WWOX: variants seen among roughly 807,000 people sequenced by gnomAD.
WWOX encodes WW domain containing oxidoreductase.
Under a neutral mutation model 46.2 loss-of-function variants are expected in WWOX, and 69 were observed. The ratio of observed to expected loss-of-function variants is 1.49; its 90% CI spans 1.23 to 1.82. The LOEUF (loss-of-function observed/expected upper bound fraction) is 1.82. Among genes scored for constraint, WWOX ranks in the 40% most tolerant of loss-of-function variants. The probability of loss-of-function intolerance (pLI) is 0.00; values close to 1 mark genes in which losing one functional copy is unlikely to be tolerated. For synonymous variants in WWOX, 359 were observed against 202.6 expected, an observed-to-expected ratio of 1.77 and a Z score of -6.56; for missense variants, 919 against 542.6, an observed-to-expected ratio of 1.69 and a Z score of -6.89.
chr16:79,135,605 G>A (rs1320920953), intron 8 of WWOX, among the ~76,000 whole-genome samples: 1 of 152,026 alleles, frequency 6.6e-6, no homozygotes. Context: ...AAATTCAATT[G>A]TGGACCAATG....
chr16:79,025,144 G>A (rs960534560), intron 8 of WWOX, among the ~76,000 whole-genome samples: 7 of 152,132 alleles, frequency 4.6e-5, no homozygotes, highest in African/African-American at 1.7e-4. Flanking sequence ...GTTTTGTTTT[G>A]CTTGTTGAGC....
rs575077024 is a variant in WWOX at position 78,718,814 on chromosome 16, CT to C, written c.1056+286063del. Among the ~76,000 whole-genome samples the C allele has an allele frequency of 2.4e-4, 36 of 152,146 alleles. 1 individual carries two copies. The highest frequency in any genetic ancestry group is 2.2e-3 in the Admixed American group (34 of 15,264). On this transcript the variant is annotated intron_variant, in intron 8 of 8. Coordinates refer to ENST00000566780, the MANE Select transcript of WWOX (RefSeq NM_016373.4). ...ACACTAATATATGCCAGGAATTATTCTATTGGTTCCTTTGGAGGAGACATGA... is the reference window on the plus strand; with the variant it reads ...ACACTAATATATGCCAGGAATTATTCATTGGTTCCTTTGGAGGAGACATGA...
At chr16:78,534,618 C>A (rs2151517414) in intron 8 of WWOX, 1 of 152,344 alleles carries the variant, frequency 6.6e-6, no homozygotes. Context: ...TATGGAGGTT[C>A]ATTGTCCCCC....
intron 8 of WWOX, among the ~76,000 whole-genome samples, chr16:78,917,244 C>T (rs1223417620): frequency 6.6e-6 from 1 of 152,210 alleles, no homozygotes. Flanking sequence ...CCTCCCAAAG[C>T]TCACGAACTG....
Position 78,864,142 on chromosome 16 carries a change from C to A in WWOX, c.1057-347466C>A, listed in dbSNP as rs548904463. On this transcript the variant is annotated intron_variant, in intron 8 of 8. Coordinates refer to ENST00000566780, the MANE Select transcript of WWOX (RefSeq NM_016373.4). Reference sequence around the variant, plus strand: ...TCAAGCCAAACTACCTACCTAACCACCTACCTGGGAGTGGAATTACGGGGT... The same window carrying A: ...TCAAGCCAAACTACCTACCTAACCAACTACCTGGGAGTGGAATTACGGGGT... Among the ~76,000 whole-genome samples, 20 of 152,262 alleles carry A rather than the reference C, an allele frequency of 1.3e-4. No individual in the cohort carries two copies. In the South Asian group the frequency reaches 4.1e-3, roughly 32 times the overall value.
chr16:78,205,208 G>T, intron 5 of WWOX, among the ~76,000 whole-genome samples: 1 of 152,184 alleles, frequency 6.6e-6, no homozygotes, highest in East Asian at 1.9e-4. Flanking sequence ...GGGATGGAAT[G>T]TGGGGGTCAT....
chr16:78,521,167 T>C (rs567910329), intron 8 of WWOX, among the ~76,000 whole-genome samples: 2 of 152,330 alleles, frequency 1.3e-5, no homozygotes, highest in East Asian at 1.9e-4. Flanking sequence ...CAGTGGCTTT[T>C]GGAGCAGCCT....
At chr16:78,668,880 C>T (rs1473438247) in intron 8 of WWOX, among the ~76,000 whole-genome samples, 2 of 152,142 alleles carry the variant, frequency 1.3e-5, no homozygotes, top group Admixed American at 6.5e-5. Flanking sequence ...AACTCCCTGG[C>T]AGGTTCTCTT....
chr16:78,289,691 C>G (rs1032223381), intron 5 of WWOX, among the ~76,000 whole-genome samples: 1 of 152,164 alleles, frequency 6.6e-6, no homozygotes, highest in Non-Finnish European at 1.5e-5. Flanking sequence ...AAAATCAAAC[C>G]TATTTTGTTT....
chr16:78,128,612 A>G (rs1451335460), intron 4 of WWOX, among the ~76,000 whole-genome samples: 1 of 152,212 alleles, frequency 6.6e-6, no homozygotes, highest in African/African-American at 2.4e-5. Context: ...CTTATATAAC[A>G]TCAACAGAAT....
At chr16:78,605,585 C>T (rs1326530872) in intron 8 of WWOX, among the ~76,000 whole-genome samples, 6 of 152,142 alleles carry the variant, frequency 3.9e-5, no homozygotes, top group Non-Finnish European at 1.5e-5. Flanking sequence ...CCAATGCCTG[C>T]CCTTTCTAGA....
At chr16:79,153,675 C>G (rs1597425638) in intron 8 of WWOX, among the ~76,000 whole-genome samples, 1 of 152,136 alleles carries the variant, frequency 6.6e-6, no homozygotes, top group East Asian at 1.9e-4. Flanking sequence ...AGGCCTTAAT[C>G]TCATTGTACA....
chr16:78,263,997 T>C (rs1474926344), intron 5 of WWOX, among the ~76,000 whole-genome samples: 1 of 91,520 alleles, frequency 1.1e-5, no homozygotes, highest in Non-Finnish European at 2.0e-5. Context: ...CTGTGAAATC[T>C]TTTTTTTTTT....
intron 5 of WWOX, among the ~76,000 whole-genome samples, chr16:78,172,249 T>A (rs1266992450): frequency 6.6e-6 from 1 of 152,148 alleles, no homozygotes; most frequent in Non-Finnish European, 1.5e-5. Context: ...TCTGAGGGAG[T>A]TGATGAACAT....
chr16:78,810,057 T>TAATC (rs2051146569), intron 8 of WWOX, among the ~76,000 whole-genome samples: 2 of 152,206 alleles, frequency 1.3e-5, no homozygotes, highest in South Asian at 4.2e-4. Context: ...TGCTTCCTGG[T>TAATC]AATCCTTCAG....
intron 8 of WWOX, chr16:78,826,053 A>C: frequency 2.3e-6 from 1 of 430,416 alleles, no homozygotes; most frequent in Non-Finnish European, 4.2e-6. Flanking sequence ...GTTGCTTTGT[A>C]AAGACATTTA....
intron 8 of WWOX, chr16:78,898,671 G>C (rs1354140233): frequency 6.6e-6 from 1 of 152,050 alleles, no homozygotes; most frequent in Non-Finnish European, 1.5e-5. Context: ...GAGTTTATTT[G>C]CTTTGGTATT....
chr16:79,020,914 A>G (rs753030638), intron 8 of WWOX, among the ~76,000 whole-genome samples: 1 of 152,180 alleles, frequency 6.6e-6, no homozygotes, highest in Non-Finnish European at 1.5e-5. Flanking sequence ...GTGAGGGAGT[A>G]TGTTAATGAG....
chr16:78,761,531 C>G (rs568530988), intron 8 of WWOX, among the ~76,000 whole-genome samples: 118 of 152,236 alleles, frequency 7.8e-4, no homozygotes, highest in African/African-American at 2.7e-3. Flanking sequence ...CTCATCTACC[C>G]TGATAGTTTC....
Sources: allele counts gnomAD v4.1 joint callset (sites outside exome capture counted in the v4.1 genomes callset), GRCh38; gene constraint gnomAD v4.1.1; transcripts MANE v1.5; gene names NCBI Gene and HGNC (gene_info 2026-07-23, HGNC 2026-07-21).